The following DMD variants were observed in gnomAD, a reference collection of about 807,000 sequenced individuals.
DMD encodes mutant dystrophin.
A neutral mutation model predicts 330.1 loss-of-function variants in DMD; 63 were observed. The ratio of observed to expected loss-of-function variants is 0.19; its 90% CI spans 0.16 to 0.24. The LOEUF is 0.24. DMD is among the 10% of genes least tolerant of loss of function. The pLI is 1.00. For synonymous variants in DMD, 1,223 were observed against 959.8 expected (o/e 1.27, Z -5.07); for missense variants, 3,344 against 2,684.1 (o/e 1.25, Z -5.43).
chrX:33,260,781 T>C (rs1052583382), intron 1 of DMD, among the ~76,000 whole-genome samples: 1 of 111,679 alleles, frequency 9.0e-6, no homozygotes, highest in African/African-American at 3.2e-5. Context: ...AAAGTACTTA[T>C]TGCCTTTGTA....
intron 12 of DMD, among the ~76,000 whole-genome samples, chrX:32,597,246 T>A (rs980299001): frequency 1.8e-5 from 2 of 112,112 alleles, no homozygotes; most frequent in African/African-American, 6.5e-5. Context: ...GTCATTTTTT[T>A]AATCATAGTA....
chrX:31,479,050 C>T lies in DMD; in HGVS notation c.8601G>A (p.Glu2867=), dbSNP rs775638242. The T allele has an allele frequency of 1.7e-6, 2 of 1,206,637 alleles. No homozygotes were observed. Among genetic ancestry groups the T allele is most frequent in the East Asian group, 5.9e-5 (2 of 33,802 alleles). The change falls in exon 58 of 79, where the codon GAG becomes GAA. Residue 2867 remains glutamate, a synonymous_variant. Transcript: ENST00000357033. ...TKEPVIMSTL[E]TVRIFLTEQP... is the part of the protein sequence containing the mutation. ...GCTCTGTCAGAAATATTCGTACAGT[C>T]TCAAGAGTACTCATGATTACAGGTT...
At chrX:31,988,121 G>C (rs1230196987) in intron 44 of DMD, among the ~76,000 whole-genome samples, 1 of 111,102 alleles carries the variant, frequency 9.0e-6, no homozygotes, top group Non-Finnish European at 1.9e-5. Flanking sequence ...TAGGATATTA[G>C]CTTGAGTAGA....
chrX:33,095,872 T>C (rs1044752854), intron 1 of DMD, among the ~76,000 whole-genome samples: 1 of 109,400 alleles, frequency 9.1e-6, no homozygotes, highest in African/African-American at 3.3e-5. Context: ...GGATAGATAA[T>C]AGAAATCTAA....
chrX:31,844,814 G>T (rs898884618), intron 48 of DMD, among the ~76,000 whole-genome samples: 1 of 110,573 alleles, frequency 9.0e-6, no homozygotes, highest in Non-Finnish European at 1.9e-5. Flanking sequence ...TCTTGATTTG[G>T]CTCTCAGCTT....
intron 44 of DMD, among the ~76,000 whole-genome samples, chrX:32,086,236 A>T (rs753775872): frequency 8.9e-6 from 1 of 112,233 alleles, no homozygotes; most frequent in African/African-American, 3.2e-5. Flanking sequence ...GATGCTGATT[A>T]CATGACTGGC....
At chrX:31,645,280 C>T (rs954794812) in intron 54 of DMD, among the ~76,000 whole-genome samples, 64 of 110,522 alleles carry the variant, frequency 5.8e-4, no homozygotes, top group Non-Finnish European at 1.1e-3. Flanking sequence ...CCTCCATCCT[C>T]CTTGTGGGAA....
chrX:32,703,709 C>G (rs2064341158), intron 7 of DMD, among the ~76,000 whole-genome samples: 1 of 111,088 alleles, frequency 9.0e-6, no homozygotes, highest in African/African-American at 3.3e-5. Context: ...TTAAGAAACT[C>G]AATACAGAGG....
chrX:32,948,550 A>ATTCT (rs1218207419), intron 2 of DMD, among the ~76,000 whole-genome samples: 3 of 112,083 alleles, frequency 2.7e-5, no homozygotes, highest in Non-Finnish European at 3.8e-5. Context: ...TTACATGCTC[A>ATTCT]TTCTTTCTTT....
intron 47 of DMD, among the ~76,000 whole-genome samples, chrX:31,918,506 G>A (rs1295677231): frequency 8.9e-6 from 1 of 112,000 alleles, no homozygotes; most frequent in Non-Finnish European, 1.9e-5. Context: ...CGCGAACTGA[G>A]AAGCTGGAAA....
chrX:31,496,257 G>A (rs1476680839), intron 57 of DMD, among the ~76,000 whole-genome samples: 1 of 112,179 alleles, frequency 8.9e-6, no homozygotes, highest in Non-Finnish European at 1.9e-5. Flanking sequence ...TAATATGTAT[G>A]AGAAAAATGG....
At chrX:32,506,222 T>C (rs1397267255) in intron 18 of DMD, among the ~76,000 whole-genome samples, 2 of 111,026 alleles carry the variant, frequency 1.8e-5, no homozygotes, top group African/African-American at 3.3e-5. Flanking sequence ...TTGAAACAAA[T>C]ATACCACTCT....
intron 62 of DMD, among the ~76,000 whole-genome samples, chrX:31,297,778 T>C (rs1159833154): frequency 1.8e-5 from 2 of 112,216 alleles, no homozygotes; most frequent in African/African-American, 3.2e-5. Context: ...TAGGCCTAGA[T>C]TGGATCGCCA....
chrX:32,873,426 G>A (rs2083149656), intron 2 of DMD, among the ~76,000 whole-genome samples: 2 of 110,590 alleles, frequency 1.8e-5, no homozygotes, highest in African/African-American at 3.3e-5. Flanking sequence ...CCACCTGGAT[G>A]AGCCCGTTAT....
intron 1 of DMD, among the ~76,000 whole-genome samples, chrX:33,316,090 T>C (rs899698577): frequency 1.8e-5 from 2 of 110,780 alleles, no homozygotes; most frequent in Non-Finnish European, 3.8e-5. Flanking sequence ...ACTTTCCATG[T>C]TTGTTATCTA....
chrX:32,357,213 T>C (rs1252640721), intron 37 of DMD, among the ~76,000 whole-genome samples: 1 of 112,164 alleles, frequency 8.9e-6, no homozygotes, highest in African/African-American at 3.2e-5. Flanking sequence ...ATATGCAGAC[T>C]TTCCTAGTCA....
At chrX:32,516,384 C>A (rs1267135108) in intron 18 of DMD, among the ~76,000 whole-genome samples, 1 of 111,744 alleles carries the variant, frequency 8.9e-6, no homozygotes, top group Non-Finnish European at 1.9e-5. Flanking sequence ...AGGGGACTCA[C>A]AAGGTATCAG....
chrX:31,929,841 C>T (rs750787601), intron 46 of DMD, 96 bp from the exon 47 acceptor site: 104 of 1,061,481 alleles, frequency 9.8e-5, no homozygotes, highest in Non-Finnish European at 1.3e-4. Context: ...CAAAATGAAG[C>T]GACTTGACCG....
At chrX:31,185,700 T>C (rs980458799) in intron 67 of DMD, among the ~76,000 whole-genome samples, 21 of 111,841 alleles carry the variant, frequency 1.9e-4, no homozygotes, top group Non-Finnish European at 3.2e-4. Context: ...TGGTTTGCTA[T>C]TTCTTCTGGT....
Sources: allele counts gnomAD v4.1 joint callset (sites outside exome capture counted in the v4.1 genomes callset), GRCh38; gene constraint gnomAD v4.1.1; transcripts MANE v1.5; gene names NCBI Gene and HGNC (gene_info 2026-07-23, HGNC 2026-07-21).